Variants in PPP4R3A observed in about 807,000 individuals in gnomAD.
PPP4R3A encodes protein phosphatase 4 regulatory subunit 3A.
In PPP4R3A, 15 loss-of-function variants were observed where a neutral mutation model predicts 91.7. The ratio of observed to expected loss-of-function variants is 0.16; its 90% CI spans 0.11 to 0.25. PPP4R3A has a LOEUF of 0.25. PPP4R3A is among the 10% of genes least tolerant of loss of function. The pLI, the probability that PPP4R3A is intolerant of heterozygous loss-of-function variation, is 1.00. For synonymous variants in PPP4R3A, 377 were observed against 348.7 expected, an observed-to-expected ratio of 1.08 and a Z score of -0.91; for missense variants, 623 against 998.4, an observed-to-expected ratio of 0.62 and a Z score of 5.07.
At chr14:91,460,410 C>T (rs919352780) in intron 14 of PPP4R3A, among the ~76,000 whole-genome samples, 5 of 151,626 alleles carry the variant, frequency 3.3e-5, no homozygotes, top group Non-Finnish European at 7.4e-5. Context: ...ACTTCTTAGC[C>T]GTCAGGAGTC....
Position 91,466,963 on chromosome 14 carries a change from A to ACACACACACACC in PPP4R3A, c.1661-1545_1661-1544insGGTGTGTGTGTG, listed in dbSNP as rs748633169. On this transcript the variant is annotated intron_variant, in intron 10 of 14. Coordinates refer to ENST00000554943, the MANE Select transcript of PPP4R3A (RefSeq NM_001366432.2). ...ATAACACACACACACACACACACAC[A>ACACACACACACC]CCCCTCTTGTCTGACTATAGTTCCT... Among the ~76,000 whole-genome samples, 59 of 150,184 alleles carry ACACACACACACC rather than the reference A, an allele frequency of 3.9e-4. No homozygotes were observed. In the East Asian group the frequency reaches 6.1e-3, roughly 16 times the overall value.
Position 91,465,475 on chromosome 14 carries a change from CT to C in PPP4R3A, c.1661-57del. 1.1e-5 allele frequency: 15 copies of C among 1,420,626 alleles called. No individual in the cohort carries two copies. The South Asian group carries it at 2.4e-4, about 23-fold the overall frequency. The allele number at this position is 1,420,626 out of a possible 1,614,324, so 88.0% of individuals were successfully genotyped here. ...ACATACCACTCTTCCATACTTTAGA[CT>C]TACCAAACAAAAATAACCATCAAAC... On this transcript the variant is annotated intron_variant, in intron 10 of 14. Transcript: ENST00000554943.
chr14:91,508,140 AT>A (rs1891530037), intron 1 of PPP4R3A, among the ~76,000 whole-genome samples: 1 of 152,344 alleles, frequency 6.6e-6, no homozygotes, highest in African/African-American at 2.4e-5. Context: ...TTCAAATTGT[AT>A]TTTAAGAAGC....
At chr14:91,508,017 T>C (rs1284328031) in intron 1 of PPP4R3A, among the ~76,000 whole-genome samples, 1 of 152,160 alleles carries the variant, frequency 6.6e-6, no homozygotes, top group Non-Finnish European at 1.5e-5. Context: ...CATAAGAAGC[T>C]GATACAAAAA....
intron 12 of PPP4R3A, 108 bp downstream of exon 12, chr14:91,462,626 CT>C: frequency 9.1e-6 from 11 of 1,209,058 alleles, no homozygotes; most frequent in Non-Finnish European, 1.3e-5. Flanking sequence ...TATTTGCTAT[CT>C]GCTGATTTCC....
chr14:91,480,317 C>T (rs532291197), intron 4 of PPP4R3A, among the ~76,000 whole-genome samples: 1 of 152,160 alleles, frequency 6.6e-6, no homozygotes, highest in South Asian at 2.1e-4. Flanking sequence ...ATGGGGAAAC[C>T]GAAGCTTTAA....
chr14:91,472,765 T>C (rs1888932086), intron 9 of PPP4R3A, among the ~76,000 whole-genome samples: 1 of 152,106 alleles, frequency 6.6e-6, no homozygotes, highest in African/African-American at 2.4e-5. Context: ...GGGACATTTT[T>C]GTCATGAACC....
intron 4 of PPP4R3A, among the ~76,000 whole-genome samples, chr14:91,477,903 C>A (rs1889306865): frequency 6.6e-6 from 1 of 152,196 alleles, no homozygotes; most frequent in Non-Finnish European, 1.5e-5. Context: ...CTGGCCTGGG[C>A]CTCCTGAAGT....
intron 9 of PPP4R3A, 124 bp downstream of exon 9, chr14:91,472,909 T>A: frequency 1.3e-6 from 1 of 788,964 alleles, no homozygotes; most frequent in Non-Finnish European, 2.1e-6. Context: ...TACTACTTTT[T>A]AAAAGGTGTG....
chr14:91,494,326 ATTTG>A (rs1404458565), intron 1 of PPP4R3A, among the ~76,000 whole-genome samples: 1 of 152,206 alleles, frequency 6.6e-6, no homozygotes, highest in Non-Finnish European at 1.5e-5. Context: ...ACAATTAAAA[ATTTG>A]TTTGTGCTGC....
intron 14 of PPP4R3A, 138 bp downstream of exon 14, chr14:91,461,243 T>TG (rs923861502): frequency 1.5e-4 from 109 of 729,542 alleles, no homozygotes; most frequent in Middle Eastern, 6.0e-4. Flanking sequence ...GTTCAAGCGG[T>TG]GGGGGGGACT....
chr14:91,472,607 G>A (rs1356824103), intron 9 of PPP4R3A, among the ~76,000 whole-genome samples: 4 of 151,858 alleles, frequency 2.6e-5, no homozygotes, highest in Non-Finnish European at 5.9e-5. Context: ...GGGACCACAA[G>A]GCACCTGCCA....
intron 10 of PPP4R3A, among the ~76,000 whole-genome samples, chr14:91,470,151 T>C (rs975685201): frequency 2.0e-5 from 3 of 152,106 alleles, no homozygotes; most frequent in African/African-American, 7.2e-5. Flanking sequence ...TACCCCTAAA[T>C]TTGGTCTAAC....
At chr14:91,467,209 G>C (rs1376729476) in intron 10 of PPP4R3A, among the ~76,000 whole-genome samples, 1 of 152,090 alleles carries the variant, frequency 6.6e-6, no homozygotes, top group African/African-American at 2.4e-5. Context: ...AAAGAAACCT[G>C]CATCAAAAAC....
chr14:91,468,861 T>C (rs1236520845), intron 10 of PPP4R3A, among the ~76,000 whole-genome samples: 1 of 151,838 alleles, frequency 6.6e-6, no homozygotes, highest in Non-Finnish European at 1.5e-5. Context: ...CATTAAATTA[T>C]AATGAATTAT....
At chr14:91,489,451 A>C (rs1890101608) in intron 2 of PPP4R3A, among the ~76,000 whole-genome samples, 1 of 152,172 alleles carries the variant, frequency 6.6e-6, no homozygotes, top group Admixed American at 6.5e-5. Flanking sequence ...GCTCTTAATT[A>C]CCCATTTGAC....
At chr14:91,482,780 TG>T (rs1441695578) in intron 3 of PPP4R3A, among the ~76,000 whole-genome samples, 3 of 152,232 alleles carry the variant, frequency 2.0e-5, no homozygotes, top group Non-Finnish European at 4.4e-5. Context: ...AAACTGGCTT[TG>T]GACCAAAGTG....
intron 10 of PPP4R3A, among the ~76,000 whole-genome samples, chr14:91,469,132 A>AAAT (rs1380481492): frequency 6.6e-6 from 1 of 151,768 alleles, no homozygotes; most frequent in Non-Finnish European, 1.5e-5. Context: ...AAAAAAAAAA[A>AAAT]AAAATCAGAC....
intron 10 of PPP4R3A, chr14:91,466,292 G>T (rs1307929736): frequency 3.0e-6 from 3 of 985,728 alleles, no homozygotes; most frequent in Non-Finnish European, 3.6e-6. Context: ...CGGTTGGCAA[G>T]ATTAAATATT....
Sources: gnomAD v4.1 joint callset for allele counts (sites outside exome capture counted in the v4.1 genomes callset) on GRCh38, gnomAD v4.1.1 for gene constraint, MANE v1.5 for transcripts, NCBI Gene and HGNC (gene_info 2026-07-23, HGNC 2026-07-21) for gene names.